Variants in SHISA6 observed in about 807,000 individuals in gnomAD.
SHISA6 encodes protein shisa-6.
In SHISA6, 22 loss-of-function variants were observed where a neutral mutation model predicts 47.9. The observed-to-expected ratio is 0.46, with a 90% CI of 0.33 to 0.66. The LOEUF (loss-of-function observed/expected upper bound fraction) is 0.66, where lower values mean the gene tolerates loss of function less well. Among genes scored for constraint, SHISA6 ranks in the 30% least tolerant of loss-of-function variants. The pLI is 0.02. For missense variants in SHISA6, 680 were observed against 764.6 expected (o/e 0.89, Z 1.30); for synonymous variants, 388 against 337.8 (o/e 1.15, Z -1.63).
intron 2 of SHISA6, among the ~76,000 whole-genome samples, chr17:11,313,884 G>A: frequency 6.6e-6 from 1 of 152,160 alleles, no homozygotes; most frequent in East Asian, 1.9e-4. Flanking sequence ...TGGATGGCCG[G>A]CCACTGAAGG....
intron 2 of SHISA6, among the ~76,000 whole-genome samples, chr17:11,324,494 C>T (rs1260825597): frequency 1.3e-5 from 2 of 152,128 alleles, no homozygotes; most frequent in African/African-American, 4.8e-5. Flanking sequence ...GGGAAATGAA[C>T]CAATAGCTTC....
intron 3 of SHISA6, among the ~76,000 whole-genome samples, chr17:11,543,928 A>C (rs866897357): frequency 7.1e-6 from 1 of 140,718 alleles, no homozygotes; most frequent in African/African-American, 2.8e-5. Context: ...AAAAAAAAAC[A>C]AAAAAAAGAA....
At chr17:11,449,916 G>A (rs1024267607) in intron 3 of SHISA6, among the ~76,000 whole-genome samples, 6 of 152,252 alleles carry the variant, frequency 3.9e-5, no homozygotes, top group East Asian at 1.9e-4. Context: ...ACGGAGTCTC[G>A]CTCTGTCGCC....
At chr17:11,269,819 G>C (rs986884809) in intron 2 of SHISA6, among the ~76,000 whole-genome samples, 4 of 152,168 alleles carry the variant, frequency 2.6e-5, no homozygotes, top group African/African-American at 9.7e-5. Flanking sequence ...ACTTAAGTGG[G>C]AGGTGACATC....
intron 2 of SHISA6, among the ~76,000 whole-genome samples, chr17:11,315,846 T>TA (rs1464423891): frequency 1.3e-5 from 2 of 152,318 alleles, no homozygotes; most frequent in Non-Finnish European, 2.9e-5. Context: ...GAGCCAAACA[T>TA]AGAGTTCTGA....
chr17:11,300,847 G>A (rs1192841791), intron 2 of SHISA6, among the ~76,000 whole-genome samples: 1 of 151,888 alleles, frequency 6.6e-6, no homozygotes, highest in Non-Finnish European at 1.5e-5. Context: ...GGGAGGTGGA[G>A]CACATGGGGG....
Position 11,359,167 on chromosome 17 carries a change from C to G in SHISA6, c.800-20247C>G, listed in dbSNP as rs74654096. ...TTTTTGTGAAATCTGACCTATGTGT[C>G]CTCTTTTTTGTTGCTTGCTTCCTTG... On this transcript the variant is annotated intron_variant, in intron 2 of 5. Coordinates refer to ENST00000441885, the MANE Select transcript of SHISA6 (RefSeq NM_207386.4). 5.3e-4 allele frequency among the ~76,000 whole-genome samples: 81 copies of G among 152,190 alleles called. No homozygotes were observed. The East Asian group carries it at 0.011, about 20-fold the overall frequency.
chr17:11,538,972 G>A lies in SHISA6; in HGVS notation c.896-12924G>A, dbSNP rs187391183. 9.3e-4 allele frequency among the ~76,000 whole-genome samples: 141 copies of A among 152,038 alleles called. 1 individual carries two copies. Among genetic ancestry groups the A allele is most frequent in the Middle Eastern group, 6.8e-3 (2 of 294 alleles). On this transcript the variant is annotated intron_variant, in intron 3 of 5. Transcript: ENST00000441885. ...TTTGTTTGTTTGGAGATGGAGTCTC[G>A]CTCTGTCAACCAAGCTGGAATGCAG...
chr17:11,530,198 G>A (rs1438219889), intron 3 of SHISA6, among the ~76,000 whole-genome samples: 1 of 152,048 alleles, frequency 6.6e-6, no homozygotes, highest in East Asian at 1.9e-4. Context: ...TGCCTGTTAC[G>A]AGCCTTATTG....
chr17:11,456,707 G>A (rs1039535742), intron 3 of SHISA6, among the ~76,000 whole-genome samples: 1 of 152,242 alleles, frequency 6.6e-6, no homozygotes, highest in Admixed American at 6.5e-5. Flanking sequence ...GGGCTGGACC[G>A]CCCCCCTCTG....
intron 1 of SHISA6, among the ~76,000 whole-genome samples, chr17:11,261,241 G>A (rs1908222319): frequency 6.6e-6 from 1 of 152,196 alleles, no homozygotes; most frequent in African/African-American, 2.4e-5. Context: ...AAGGATCCTG[G>A]AGAATGGTCA....
chr17:11,558,348 C>CG lies in SHISA6; in HGVS notation c.*49dup. 3.3e-6 allele frequency: 5 copies of CG among 1,512,096 alleles called. No individual in the cohort carries two copies. Among genetic ancestry groups the CG allele is most frequent in the Non-Finnish European group, 4.4e-6 (5 of 1,131,562 alleles). The allele number at this position is 1,512,096 out of a possible 1,614,324, so 93.7% of individuals were successfully genotyped here. A position where few individuals can be genotyped will look rare whatever the true frequency, so the allele number is the denominator to read the frequency against. ...GGCTGCTGGGCGTGGCAGAGCAGAGCGGGGGCCGGGAGGGGCCAGGAGCAG... is the reference window on the plus strand; with the variant it reads ...GGCTGCTGGGCGTGGCAGAGCAGAGCGGGGGGCCGGGAGGGGCCAGGAGCAG... On this transcript the variant is annotated 3_prime_UTR_variant, in exon 6 of 6. Transcript: ENST00000441885.
At chr17:11,481,595 T>C (rs2908926) in intron 3 of SHISA6, among the ~76,000 whole-genome samples, 41,552 of 151,076 alleles carry the variant, frequency 0.28, 5,799 homozygotes, top group African/African-American at 0.32. Context: ...CAGGTTTAAG[T>C]AATTCTTCTG....
chr17:11,246,089 G>A (rs1038370574), intron 1 of SHISA6, among the ~76,000 whole-genome samples: 5 of 152,134 alleles, frequency 3.3e-5, no homozygotes, highest in African/African-American at 1.2e-4. Flanking sequence ...TAAATAGAGA[G>A]TCGACTTATT....
At chr17:11,547,007 TA>T (rs1256411995) in intron 3 of SHISA6, among the ~76,000 whole-genome samples, 1 of 152,110 alleles carries the variant, frequency 6.6e-6, no homozygotes, top group Non-Finnish European at 1.5e-5. Flanking sequence ...AAGACACAGA[TA>T]GCGTCATGTG....
intron 3 of SHISA6, among the ~76,000 whole-genome samples, chr17:11,449,397 C>T (rs565249553): frequency 1.7e-4 from 26 of 151,774 alleles, no homozygotes; most frequent in Non-Finnish European, 2.9e-4. Context: ...GAGCTGAGAT[C>T]GTGCTACTGC....
At chr17:11,474,825 A>G (rs1253008259) in intron 3 of SHISA6, among the ~76,000 whole-genome samples, 1 of 152,088 alleles carries the variant, frequency 6.6e-6, no homozygotes, top group Non-Finnish European at 1.5e-5. Context: ...ATTCTGGGTC[A>G]TTTGCTTCTC....
chr17:11,322,139 G>A (rs1910737547), intron 2 of SHISA6, among the ~76,000 whole-genome samples: 1 of 151,968 alleles, frequency 6.6e-6, no homozygotes, highest in Admixed American at 6.6e-5. Context: ...GGTTTTTTCA[G>A]CAGTATTATC....
At position 11,241,614 on chromosome 17, in the gene SHISA6, G is replaced by T. The variant is rs1251462490; in HGVS notation, c.192G>T (p.Ala64=). Reference sequence around the variant, plus strand: ...GCGAGCTGAACGGCACCGCCCGGGCGCCCGGAATCCCGGAGGCGGGAAGCC... The same window carrying T: ...GCGAGCTGAACGGCACCGCCCGGGCTCCCGGAATCCCGGAGGCGGGAAGCC... ...GGRELNGTAR[A]PGIPEAGSRR... is the part of the protein sequence containing the mutation. The change falls in exon 1 of 6, where the codon GCG becomes GCT. Residue 64 remains alanine (A), a synonymous_variant. Transcript: ENST00000441885. This position sits in a 1 kb window ranked among gnomAD's most constrained non-coding sequence, Gnocchi z 5.5. 7.6e-6 allele frequency: 10 copies of T among 1,312,026 alleles called. No individual in the cohort carries two copies. The highest frequency in any genetic ancestry group is 9.6e-6 in the Non-Finnish European group (10 of 1,040,188). 81.3% of individuals were successfully genotyped at this position (1,312,026 alleles called of 1,614,324 possible).
Sources: gnomAD v4.1 joint callset for allele counts (sites outside exome capture counted in the v4.1 genomes callset) on GRCh38, gnomAD v4.1.1 for gene constraint, Gnocchi (gnomAD v3.1) non-coding constraint, MANE v1.5 for transcripts, NCBI Gene and HGNC (gene_info 2026-07-23, HGNC 2026-07-21) for gene names.